Variants in ACYP2 observed in about 807,000 individuals in gnomAD.
ACYP2 encodes the protein acylphosphatase 2, also known as acylphosphatase-2.
ACYP2 carries 12 observed loss-of-function variants against 11.2 expected under a neutral mutation model. The ratio of observed to expected loss-of-function variants is 1.08; its 90% CI spans 0.69 to 1.74. ACYP2 has a LOEUF of 1.74. ACYP2 is among the 40% of genes most tolerant of loss of function. ACYP2 has a pLI of 0.00. For missense variants in ACYP2, 134 were observed against 101.9 expected (o/e 1.31, Z -1.35); for synonymous variants, 43 against 32.2 (o/e 1.33, Z -1.13).
At chr2:54,270,571 C>T (rs1202451877) in intron 6 of ACYP2, among the ~76,000 whole-genome samples, 2 of 152,128 alleles carry the variant, frequency 1.3e-5, no homozygotes, top group African/African-American at 4.8e-5. Context: ...CACACAACTA[C>T]ACTCCAGCCT....
intron 4 of ACYP2, among the ~76,000 whole-genome samples, chr2:54,062,804 A>C (rs1174877525): frequency 3.3e-5 from 5 of 152,354 alleles, no homozygotes; most frequent in Non-Finnish European, 7.4e-5. Context: ...AGCTCACTTT[A>C]GGCAAGGTCA....
chr2:54,007,397 G>A (rs937333083), intron 2 of ACYP2, among the ~76,000 whole-genome samples: 7 of 151,786 alleles, frequency 4.6e-5, no homozygotes, highest in African/African-American at 1.7e-4. Context: ...GGGACTACAG[G>A]CATGTGCCAC....
intron 2 of ACYP2, among the ~76,000 whole-genome samples, chr2:53,981,774 G>C (rs1287345154): frequency 6.6e-6 from 1 of 152,064 alleles, no homozygotes; most frequent in Non-Finnish European, 1.5e-5. Context: ...ACACCATATA[G>C]CCAAGGTGTA....
chr2:54,247,137 A>G (rs1686991458), intron 6 of ACYP2, among the ~76,000 whole-genome samples: 2 of 152,272 alleles, frequency 1.3e-5, no homozygotes, highest in South Asian at 4.1e-4. Context: ...TTAGGCTAAC[A>G]CTATTTCTCT....
rs150216116 is a variant in ACYP2 at position 54,196,934 on chromosome 2, G to A, written c.404+58186G>A. 2.0e-3 allele frequency among the ~76,000 whole-genome samples: 311 copies of A among 152,344 alleles called. 1 individual carries two copies. The highest frequency in any genetic ancestry group is 7.2e-3 in the African/African-American group (298 of 41,582). The stretch of plus-strand genomic sequence containing the variant: ...GAAGTAGTACTGGTGGAATTTTCAT[G>A]TGTGCTGGACACCATGATGAGAACT... On this transcript the variant is annotated intron_variant, in intron 6 of 6. Transcript: ENST00000607452.
intron 4 of ACYP2, among the ~76,000 whole-genome samples, chr2:54,130,515 C>T (rs1318265725): frequency 6.6e-6 from 1 of 152,064 alleles, no homozygotes; most frequent in African/African-American, 2.4e-5. Context: ...AAAAGGAAAC[C>T]ATGTTGGGTG....
chr2:54,199,693 G>T (rs1431812080), intron 6 of ACYP2, among the ~76,000 whole-genome samples: 2 of 152,232 alleles, frequency 1.3e-5, no homozygotes, highest in Non-Finnish European at 2.9e-5. Flanking sequence ...GACTATAGGA[G>T]AAATAATTTT....
intron 6 of ACYP2, chr2:54,222,974 A>G (rs1685861234): frequency 6.6e-6 from 1 of 152,066 alleles, no homozygotes; most frequent in African/African-American, 2.4e-5. Context: ...CCCTTTTCAT[A>G]TTCTTTACTC....
At chr2:54,087,366 G>A (rs1677996484) in intron 4 of ACYP2, among the ~76,000 whole-genome samples, 1 of 150,970 alleles carries the variant, frequency 6.6e-6, no homozygotes, top group African/African-American at 2.4e-5. Flanking sequence ...TCTTTTTTTT[G>A]AGATAGGATT....
intron 2 of ACYP2, among the ~76,000 whole-genome samples, chr2:54,017,645 A>G (rs957376888): frequency 5.9e-5 from 9 of 152,118 alleles, no homozygotes; most frequent in African/African-American, 1.9e-4. Context: ...ATTGCATTCA[A>G]TCTTATAGAT....
chr2:54,251,556 A>C lies in ACYP2; in HGVS notation c.405-53132A>C, dbSNP rs545459385. 2.0e-5 allele frequency among the ~76,000 whole-genome samples: 3 copies of C among 149,872 alleles called. No individual in the cohort carries two copies. The South Asian group carries it at 6.4e-4, about 32-fold the overall frequency. On this transcript the variant is annotated intron_variant, in intron 6 of 6. Transcript: ENST00000607452. Reference sequence around the variant, plus strand: ...AGCGCTTCAGAATCTACCATCTCTTACTTCCTTCCAATCAATAGGTACTTA... The same window carrying C: ...AGCGCTTCAGAATCTACCATCTCTTCCTTCCTTCCAATCAATAGGTACTTA...
At chr2:54,079,123 G>A (rs1232919935) in intron 4 of ACYP2, among the ~76,000 whole-genome samples, 1 of 152,128 alleles carries the variant, frequency 6.6e-6, no homozygotes, top group African/African-American at 2.4e-5. Context: ...GGAGCTGGGA[G>A]GTATCAAGTT....
chr2:54,204,755 C>T (rs1317354277), intron 6 of ACYP2, among the ~76,000 whole-genome samples: 1 of 152,190 alleles, frequency 6.6e-6, no homozygotes, highest in Non-Finnish European at 1.5e-5. Context: ...ATTATTGCTT[C>T]TGCTCTTTTC....
intron 6 of ACYP2, among the ~76,000 whole-genome samples, chr2:54,221,539 T>TTTTTA (rs1442292182): frequency 1.0e-4 from 15 of 148,490 alleles, no homozygotes; most frequent in African/African-American, 3.0e-4. Flanking sequence ...TTTTTTTTTT[T>TTTTTA]AAACACGGTC....
At chr2:54,283,249 C>G (rs540719864) in intron 6 of ACYP2, among the ~76,000 whole-genome samples, 1 of 152,294 alleles carries the variant, frequency 6.6e-6, no homozygotes, top group African/African-American at 2.4e-5. Flanking sequence ...AGTCCTATCT[C>G]TGTGACTAGG....
At chr2:54,081,670 G>A (rs1304739172) in intron 4 of ACYP2, among the ~76,000 whole-genome samples, 1 of 152,216 alleles carries the variant, frequency 6.6e-6, no homozygotes, top group Non-Finnish European at 1.5e-5. Context: ...GTTAACTGAT[G>A]CATGACTCTA....
chr2:54,270,146 T>C (rs1412765707), intron 6 of ACYP2, among the ~76,000 whole-genome samples: 11 of 152,200 alleles, frequency 7.2e-5, no homozygotes, highest in Admixed American at 7.2e-4. Flanking sequence ...TCTTCCCTGT[T>C]TCCTAATTAT....
At chr2:54,085,301 G>A (rs1302981089) in intron 4 of ACYP2, among the ~76,000 whole-genome samples, 1 of 152,136 alleles carries the variant, frequency 6.6e-6, no homozygotes, top group South Asian at 2.1e-4. Flanking sequence ...GGGTGCTTGT[G>A]GGGGTGTGAG....
At chr2:54,015,943 C>CA (rs1673661287) in intron 2 of ACYP2, among the ~76,000 whole-genome samples, 1 of 151,896 alleles carries the variant, frequency 6.6e-6, no homozygotes. Context: ...GGGATTATGG[C>CA]TGGGAGATAC....
Sources: allele counts gnomAD v4.1 joint callset (sites outside exome capture counted in the v4.1 genomes callset), GRCh38; gene constraint gnomAD v4.1.1; transcripts MANE v1.5; gene names NCBI Gene and HGNC (gene_info 2026-07-23, HGNC 2026-07-21).